Variants in WDR73 observed in about 807,000 individuals in gnomAD.
WDR73 encodes the protein integrator complex assembly factor WDR73.
A neutral mutation model predicts 38.2 loss-of-function variants in WDR73; 30 were observed. The ratio of observed to expected loss-of-function variants is 0.79; its 90% CI spans 0.59 to 1.06. WDR73 has a LOEUF of 1.06. Ranked by LOEUF, WDR73 falls within the 50% of genes least tolerant of loss-of-function variation. The pLI is 0.00. For missense variants in WDR73, 487 were observed against 467.0 expected (o/e 1.04, Z -0.40); for synonymous variants, 197 against 176.0 (o/e 1.12, Z -0.94).
chr15:84,648,539 G>A lies in WDR73; in HGVS notation c.285C>T (p.Thr95=), dbSNP rs370664346. The A allele has an allele frequency of 5.0e-6, 8 of 1,611,652 alleles. No individual in the cohort carries two copies. Among genetic ancestry groups the A allele is most frequent in the Non-Finnish European group, 6.8e-6 (8 of 1,177,872 alleles). Reference sequence around the variant, plus strand: ...CTGGATCACAAAATTGACCATACCTGGTATGTGGCACATGCTTTAGATCAA... The same window carrying A: ...CTGGATCACAAAATTGACCATACCTAGTATGTGGCACATGCTTTAGATCAA... ...SIFDLKHVPH[T]RLLVTSGLPG... is the part of the protein sequence containing the mutation. Residue 95 remains threonine, a splice_region_variant and synonymous_variant, in exon 4 of 8, where the codon ACC becomes ACT. Coordinates refer to ENST00000434634, the MANE Select transcript of WDR73 (RefSeq NM_032856.5).
At chr15:84,651,471 C>A (rs916822472) in intron 3 of WDR73, among the ~76,000 whole-genome samples, 1 of 152,132 alleles carries the variant, frequency 6.6e-6, no homozygotes, top group African/African-American at 2.4e-5. Context: ...TTCCTGCCCC[C>A]ACATGGCCCT....
In WDR73 at chr15:84,654,260, G is replaced by C. The variant is rs1896723798; in HGVS notation, c.15C>G (p.Asp5Glu). Residue 5 changes from aspartate (D) to glutamate (E), a missense_variant, in exon 1 of 8, where the codon GAC (aspartate) becomes GAG (glutamate). Physicochemically the swap from Asp to Glu is conservative, Grantham distance 45. Transcript: ENST00000434634. MDPG[D>E]DWLVESLRLY... ...AGCGCAAGGATTCCACCAGCCAGTC[G>C]TCCCCAGGATCCATGGCAACGACCG... The C allele has an allele frequency of 2.5e-6, 4 of 1,613,918 alleles. No homozygotes were observed. In the South Asian group the frequency reaches 3.3e-5, roughly 13 times the overall value.
In WDR73 at chr15:84,649,415, A is replaced by G. The variant is rs368153451; in HGVS notation, c.199-790T>C. 2.6e-4 allele frequency among the ~76,000 whole-genome samples: 40 copies of G among 151,116 alleles called. 1 individual carries two copies. Among genetic ancestry groups the G allele is most frequent in the African/African-American group, 9.2e-4 (38 of 41,150 alleles). ...GGGAAGATGAAGAACACTAGGTGCT[A>G]CCCTATAGCTTCTGTAGCCTCTGGG... On this transcript the variant is annotated intron_variant, in intron 3 of 7. Coordinates refer to ENST00000434634, the MANE Select transcript of WDR73 (RefSeq NM_032856.5).
chr15:84,642,576 C>T lies in WDR73; in HGVS notation c.*894G>A, dbSNP rs2141831704. On this transcript the variant is annotated 3_prime_UTR_variant, in exon 8 of 8. Coordinates refer to ENST00000434634, the MANE Select transcript of WDR73 (RefSeq NM_032856.5). ...TCAACTGCCAGGCTCAGGCAACCCT[C>T]CCACCTCAGCCTCTTGAATAGCTGG... The T allele has an allele frequency of 6.6e-6, 1 of 152,238 alleles. No homozygotes were observed. The highest frequency in any genetic ancestry group is 2.1e-4 in the South Asian group (1 of 4,828). The allele number at this position is 152,238 out of a possible 1,614,324, so 9.4% of individuals were successfully genotyped here.
chr15:84,647,743 C>T (rs1429636252), intron 5 of WDR73, 147 bp downstream of exon 5: 1 of 738,056 alleles, frequency 1.4e-6, no homozygotes, highest in Non-Finnish European at 2.4e-6. Context: ...GTGATCCACC[C>T]AGCTCAGCCT....
In WDR73 at chr15:84,652,904, A is replaced by G. The variant is rs185429456; in HGVS notation, c.110-102T>C. 440 of 659,326 alleles carry G rather than the reference A, an allele frequency of 6.7e-4. 1 individual carries two copies. Among genetic ancestry groups the G allele is most frequent in the Middle Eastern group, 1.0e-3 (4 of 3,932 alleles). 40.8% of individuals were successfully genotyped at this position (659,326 alleles called of 1,614,324 possible). A position where few individuals can be genotyped will look rare whatever the true frequency, so the allele number is the denominator to read the frequency against. Reference sequence around the variant, plus strand: ...ACATTCCTTCACTGTGCAGCCTTGTATGGAGGAATTGAGTACCTGGTTGTG... The same window carrying G: ...ACATTCCTTCACTGTGCAGCCTTGTGTGGAGGAATTGAGTACCTGGTTGTG... On this transcript the variant is annotated intron_variant, in intron 2 of 7. Coordinates refer to ENST00000434634, the MANE Select transcript of WDR73 (RefSeq NM_032856.5).
intron 1 of WDR73, chr15:84,653,932 G>A (rs766598841): frequency 1.7e-6 from 1 of 603,672 alleles, no homozygotes; most frequent in Non-Finnish European, 2.9e-6. Flanking sequence ...CAAGGTTGAC[G>A]TGAGGAATCA....
At chr15:84,647,850 T>A in intron 5 of WDR73, 40 bp downstream of exon 5, 1 of 1,606,278 alleles carries the variant, frequency 6.2e-7, no homozygotes, top group Non-Finnish European at 8.5e-7. Flanking sequence ...GAGTCACACT[T>A]TCCTAGAACC....
chr15:84,653,450 G>A (rs532663828), intron 2 of WDR73, 182 bp downstream of exon 2: 9 of 539,430 alleles, frequency 1.7e-5, no homozygotes, highest in Non-Finnish European at 2.7e-5. Context: ...GATTACAGGC[G>A]TGAACCACTG....
rs769401847 is a variant in WDR73 at position 84,645,525 on chromosome 15, C to T, written c.829G>A (p.Glu277Lys). Residue 277 changes from glutamate to lysine, a missense_variant, in exon 7 of 8, where the codon GAG (glutamate) becomes AAG (lysine). Transcript: ENST00000434634. ...GGGGCCCAAGTCACTCGCAGCAGCTCTGGGTCAGGGCTAGGTACGGATACT... is the reference window on the plus strand; with the variant it reads ...GGGGCCCAAGTCACTCGCAGCAGCTTTGGGTCAGGGCTAGGTACGGATACT... ...CPVSVPSPDP[E>K]LLRVTWAPGL... The T allele has an allele frequency of 6.2e-7, 1 of 1,612,446 alleles. No individual in the cohort carries two copies. Among genetic ancestry groups the T allele is most frequent in the African/African-American group, 1.3e-5 (1 of 75,012 alleles).
At chr15:84,647,016 C>T (rs1159156634) in intron 5 of WDR73, 3 of 152,666 alleles carry the variant, frequency 2.0e-5, no homozygotes, top group African/African-American at 7.2e-5. Flanking sequence ...CCTCAGCCTC[C>T]TGAGTAGCTG....
intron 4 of WDR73, 178 bp from the exon 5 acceptor site, chr15:84,648,132 G>A: frequency 1.6e-6 from 1 of 641,738 alleles, no homozygotes; most frequent in South Asian, 1.8e-5. Flanking sequence ...ATCAACTTTA[G>A]GGAGACTGAG....
chr15:84,648,503 T>C, intron 4 of WDR73, 34 bp downstream of exon 4: 1 of 1,487,006 alleles, frequency 6.7e-7, no homozygotes, highest in Non-Finnish European at 9.4e-7. Flanking sequence ...CATCCCATCC[T>C]GTGTGGATGG....
Position 84,645,730 on chromosome 15 carries a change from C to T in WDR73, c.624G>A (p.Lys208=). The T allele has an allele frequency of 6.2e-7, 1 of 1,610,816 alleles. No homozygotes were observed. The highest frequency in any genetic ancestry group is 8.5e-7 in the Non-Finnish European group (1 of 1,178,566). Residue 208 remains lysine, a synonymous_variant, in exon 7 of 8, where the codon AAG becomes AAA. Coordinates refer to ENST00000434634, the MANE Select transcript of WDR73 (RefSeq NM_032856.5). The part of the protein sequence containing the change: ...GRLGLVDTRQ[K]WAPLENRSPG... ...GGCTGCGATTCTCCAACGGTGCCCACTTCTGCCGGGTGTCAACAAGCCCCA... is the reference window on the plus strand; with the variant it reads ...GGCTGCGATTCTCCAACGGTGCCCATTTCTGCCGGGTGTCAACAAGCCCCA...
Position 84,646,227 on chromosome 15 carries a change from C to G in WDR73, c.474G>C (p.Leu158=). ...GVLHGARLRS[L]QVVDLESRKT... ...TCCGGGACTCCAGATCAACGACCTG[C>G]AGACTTCGGAGCCTCGCCCCATGGA... Residue 158 remains leucine (L), a synonymous_variant, in exon 6 of 8, where the codon CTG becomes CTC. Coordinates refer to ENST00000434634, the MANE Select transcript of WDR73 (RefSeq NM_032856.5). The G allele has an allele frequency of 6.2e-7, 1 of 1,613,898 alleles. No homozygotes were observed. Among genetic ancestry groups the G allele is most frequent in the South Asian group, 1.1e-5 (1 of 91,084 alleles).
intron 3 of WDR73, among the ~76,000 whole-genome samples, chr15:84,649,883 A>T (rs903252793): frequency 6.6e-6 from 1 of 152,186 alleles, no homozygotes; most frequent in Non-Finnish European, 1.5e-5. Flanking sequence ...TGCTGGGATT[A>T]CAGGTGTGAG....
rs758007125 is a variant in WDR73, at chr15:84,654,225, A to C, written c.41+9T>G. On this transcript the variant is annotated intron_variant, in intron 1 of 7. Coordinates refer to ENST00000434634, the MANE Select transcript of WDR73 (RefSeq NM_032856.5). ...CCCAGCTCCCATGTCCCAGCCCCGTACGATTTACAAGCGCAAGGATTCCAC... is the reference window on the plus strand; with the variant it reads ...CCCAGCTCCCATGTCCCAGCCCCGTCCGATTTACAAGCGCAAGGATTCCAC... 12 of 1,613,814 alleles carry C rather than the reference A, an allele frequency of 7.4e-6. No individual in the cohort carries two copies. Among genetic ancestry groups the C allele is most frequent in the Non-Finnish European group, 1.7e-6 (2 of 1,179,818 alleles).
rs1896307783 is a variant in WDR73, at chr15:84,642,903, C to CT, written c.*566dup. On this transcript the variant is annotated 3_prime_UTR_variant, in exon 8 of 8. Coordinates refer to ENST00000434634, the MANE Select transcript of WDR73 (RefSeq NM_032856.5). ...GGCATGAGCCACCATGTCCAGCACACTTTAATATTCACTATGGGCCCTCAA... is the reference window on the plus strand; with the variant it reads ...GGCATGAGCCACCATGTCCAGCACACTTTTAATATTCACTATGGGCCCTCAA... 6.4e-6 allele frequency: 1 copy of CT among 155,166 alleles called. No homozygotes were observed. Among genetic ancestry groups the CT allele is most frequent in the African/African-American group, 2.4e-5 (1 of 41,422 alleles). The allele number at this position is 155,166 out of a possible 1,614,324, so 9.6% of individuals were successfully genotyped here. A position where few individuals can be genotyped will look rare whatever the true frequency, so the allele number is the denominator to read the frequency against.
At chr15:84,653,505 G>A in intron 2 of WDR73, 127 bp downstream of exon 2, 4 of 665,880 alleles carry the variant, frequency 6.0e-6, no homozygotes, top group Non-Finnish European at 1.1e-5. Context: ...GTGCTGATGG[G>A]GCATCAAATT....
Sources: allele counts gnomAD v4.1 joint callset (sites outside exome capture counted in the v4.1 genomes callset), GRCh38; gene constraint gnomAD v4.1.1; transcripts MANE v1.5; gene names NCBI Gene and HGNC (gene_info 2026-07-23, HGNC 2026-07-21).